The following SMARCA1 variants were observed in gnomAD, a reference collection of about 807,000 sequenced individuals.
SMARCA1 encodes the protein SWI/SNF-related matrix-associated actin-dependent regulator of chromatin subfamily A member 1.
SMARCA1 carries 17 observed loss-of-function variants against 93.6 expected under a neutral mutation model. That is an observed-to-expected ratio of 0.18 (90% CI 0.12 to 0.27). The LOEUF is 0.27. Ranked by LOEUF, SMARCA1 falls within the 10% of genes least tolerant of loss-of-function variation. SMARCA1 has a pLI of 1.00. For synonymous variants in SMARCA1, 271 were observed against 271.4 expected (o/e 1.00, Z 0.01); for missense variants, 630 against 819.0 (o/e 0.77, Z 2.82).
At position 129,487,950 on chromosome X, in the gene SMARCA1, A is replaced by G. The variant is rs149164073; in HGVS notation, c.2098-813T>C. Among the ~76,000 whole-genome samples, 299 of 111,750 alleles carry G rather than the reference A, an allele frequency of 2.7e-3. 2 individuals are homozygous for G. The highest frequency in any genetic ancestry group is 3.4e-3 in the South Asian group (9 of 2,677). On this transcript the variant is annotated intron_variant, in intron 16 of 24. Transcript: ENST00000371121. ...GAGTCCTTCTATTTTAGAAATACAC[A>G]GTGAACTATTTACAGCTGAAGTATG...
rs368651648 is a variant in SMARCA1, at chrX:129,499,718, A to G, written c.1277+14T>C. On this transcript the variant is annotated intron_variant, in intron 10 of 24. Coordinates refer to ENST00000371121, the MANE Select transcript of SMARCA1 (RefSeq NM_001282874.2). ...TACACACAAATAAGTTTTAAAGGAA[A>G]TGAAATAGCTCACCATTCTCGTTGC... 37 of 954,392 alleles carry G rather than the reference A, an allele frequency of 3.9e-5. No homozygotes were observed. The highest frequency in any genetic ancestry group is 5.3e-5 in the Non-Finnish European group (36 of 673,276). 78.7% of individuals were successfully genotyped at this position (954,392 alleles called of 1,213,427 possible). A position where few individuals can be genotyped will look rare whatever the true frequency, so the allele number is the denominator to read the frequency against.
At chrX:129,519,212 T>A (rs1935307173) in intron 1 of SMARCA1, among the ~76,000 whole-genome samples, 1 of 111,576 alleles carries the variant, frequency 9.0e-6, no homozygotes, top group South Asian at 3.7e-4. Context: ...GGAAGGGGGT[T>A]ATCTCATGCA....
At chrX:129,474,998 C>T (rs1322532059) in intron 19 of SMARCA1, among the ~76,000 whole-genome samples, 1 of 110,835 alleles carries the variant, frequency 9.0e-6, no homozygotes, top group Non-Finnish European at 1.9e-5. Flanking sequence ...GATTGTGAGG[C>T]CCCCGAGTCA....
At chrX:129,480,881 T>C in intron 18 of SMARCA1, 67 bp from the exon 19 acceptor site, 1 of 713,118 alleles carries the variant, frequency 1.4e-6, no homozygotes, top group Non-Finnish European at 2.1e-6. Flanking sequence ...ACTTATCTTT[T>C]ACTATTTCTG....
At chrX:129,469,796 T>C (rs939500718) in intron 20 of SMARCA1, among the ~76,000 whole-genome samples, 2 of 112,589 alleles carry the variant, frequency 1.8e-5, no homozygotes, top group African/African-American at 6.4e-5. Flanking sequence ...CAGTTGAGAC[T>C]GTATATTCAT....
chrX:129,487,369 T>A (rs1955410920), intron 16 of SMARCA1, among the ~76,000 whole-genome samples: 3 of 112,733 alleles, frequency 2.7e-5, no homozygotes, highest in African/African-American at 9.7e-5. Flanking sequence ...TTCTTTAAAA[T>A]CTTTTGTCAG....
chrX:129,486,657 G>T (rs1198021278), intron 17 of SMARCA1, among the ~76,000 whole-genome samples: 2 of 110,820 alleles, frequency 1.8e-5, no homozygotes, highest in African/African-American at 6.6e-5. Context: ...TGAGAAAATT[G>T]AGAATACCCA....
chrX:129,462,309 T>C (rs1932820117), intron 23 of SMARCA1, among the ~76,000 whole-genome samples: 1 of 111,976 alleles, frequency 8.9e-6, no homozygotes, highest in Non-Finnish European at 1.9e-5. Flanking sequence ...AAACAACTTC[T>C]TTGTATTTCA....
intron 23 of SMARCA1, among the ~76,000 whole-genome samples, chrX:129,457,832 CAT>C (rs1396716586): frequency 1.8e-5 from 2 of 111,920 alleles, no homozygotes; most frequent in African/African-American, 6.5e-5. Flanking sequence ...CAATCTTTCA[CAT>C]GTTTCAAGGA....
rs367745644 is a variant in SMARCA1 at position 129,508,099 on chromosome X, A to G, written c.811-3T>C. 17 of 1,101,564 alleles carry G rather than the reference A, an allele frequency of 1.5e-5. No individual in the cohort carries two copies. The highest frequency in any genetic ancestry group is 2.2e-5 in the South Asian group (1 of 46,324). 90.8% of individuals were successfully genotyped at this position (1,101,564 alleles called of 1,213,427 possible). The stretch of plus-strand genomic sequence containing the variant: ...ATTTCATCACGAATAAAAGCAGCCT[A>G]ATGCAAAATAAAATACTTCATATTA... On this transcript the variant is annotated splice_polypyrimidine_tract_variant and splice_region_variant and intron_variant, in intron 6 of 24. Coordinates refer to ENST00000371121, the MANE Select transcript of SMARCA1 (RefSeq NM_001282874.2).
At chrX:129,472,832 T>C (rs907929271) in intron 19 of SMARCA1, among the ~76,000 whole-genome samples, 6 of 111,920 alleles carry the variant, frequency 5.4e-5, no homozygotes, top group Admixed American at 3.8e-4. Flanking sequence ...AGCATTTCCT[T>C]TGGACGCAAT....
chrX:129,520,906 C>G (rs1935364663), intron 1 of SMARCA1, among the ~76,000 whole-genome samples: 1 of 112,019 alleles, frequency 8.9e-6, no homozygotes, highest in Non-Finnish European at 1.9e-5. Context: ...GAGACGGAGT[C>G]TCACTCTGTT....
chrX:129,447,997 A>G (rs1331541289), intron 24 of SMARCA1, among the ~76,000 whole-genome samples: 5 of 110,872 alleles, frequency 4.5e-5, no homozygotes, highest in African/African-American at 1.6e-4. Flanking sequence ...TTTCAACTTC[A>G]GCCCCATCCC....
rs935079989 is a variant in SMARCA1, at chrX:129,482,514, A to G, written c.2218-1329T>C. 2.7e-5 allele frequency among the ~76,000 whole-genome samples: 3 copies of G among 111,763 alleles called. No individual in the cohort carries two copies. The South Asian group carries it at 1.1e-3, about 42-fold the overall frequency. ...GAAACAGAAAGACCAGGATTCTGCT[A>G]CTTCACTAGTTATATAACTTTGGGG... On this transcript the variant is annotated intron_variant, in intron 17 of 24. Transcript: ENST00000371121.
In SMARCA1 at chrX:129,462,858, T is replaced by C. The variant is rs963685065; in HGVS notation, c.3030+2662A>G. Among the ~76,000 whole-genome samples the C allele has an allele frequency of 2.1e-4, 23 of 111,391 alleles. 1 individual carries two copies. Among genetic ancestry groups the C allele is most frequent in the African/African-American group, 7.5e-4 (23 of 30,762 alleles). ...GGTAAAGAAAGAGTACAGAGGTAAATGTTTTGTAAAAAGAAGATGGAAGAA... is the reference window on the plus strand; with the variant it reads ...GGTAAAGAAAGAGTACAGAGGTAAACGTTTTGTAAAAAGAAGATGGAAGAA... On this transcript the variant is annotated intron_variant, in intron 23 of 24. Coordinates refer to ENST00000371121, the MANE Select transcript of SMARCA1 (RefSeq NM_001282874.2).
At chrX:129,458,398 T>A (rs997827224) in intron 23 of SMARCA1, among the ~76,000 whole-genome samples, 11 of 112,462 alleles carry the variant, frequency 9.8e-5, no homozygotes, top group East Asian at 5.5e-4. Context: ...TGGTTCTCCA[T>A]ACTTTTTTAA....
intron 7 of SMARCA1, among the ~76,000 whole-genome samples, chrX:129,507,487 C>T (rs1939335872): frequency 8.9e-6 from 1 of 112,733 alleles, no homozygotes; most frequent in African/African-American, 3.2e-5. Flanking sequence ...AAAAACTGTG[C>T]TCAATTTTAA....
chrX:129,486,991 G>A, intron 17 of SMARCA1, 27 bp downstream of exon 17: 1 of 1,133,741 alleles, frequency 8.8e-7, no homozygotes, highest in Non-Finnish European at 1.2e-6. Flanking sequence ...TCATTTGAGG[G>A]TCTAATGGTT....
At chrX:129,457,213 A>G (rs1005928842) in intron 23 of SMARCA1, among the ~76,000 whole-genome samples, 1 of 112,574 alleles carries the variant, frequency 8.9e-6, no homozygotes, top group African/African-American at 3.2e-5. Flanking sequence ...TAAGCAATAA[A>G]GTATTTTTTA....
Sources: allele counts gnomAD v4.1 joint callset (sites outside exome capture counted in the v4.1 genomes callset), GRCh38; gene constraint gnomAD v4.1.1; transcripts MANE v1.5; gene names NCBI Gene and HGNC (gene_info 2026-07-23, HGNC 2026-07-21).